SERHL2: variants seen among roughly 807,000 people sequenced by gnomAD.
SERHL2 encodes the protein serine hydrolase-like protein 2.
In SERHL2, 29 loss-of-function variants were observed where a neutral mutation model predicts 25.5. That is an observed-to-expected ratio of 1.14 (90% CI 0.85 to 1.55). The LOEUF (loss-of-function observed/expected upper bound fraction) is 1.55. SERHL2 is among the 40% of genes most tolerant of loss of function. SERHL2 has a pLI of 0.00. For missense variants in SERHL2, 240 were observed against 252.3 expected, an observed-to-expected ratio of 0.95 and a Z score of 0.33; for synonymous variants, 95 against 103.5, an observed-to-expected ratio of 0.92 and a Z score of 0.50.
Position 42,562,632 on chromosome 22 carries a change from GAGA to G in SERHL2, c.613+2370_613+2372del, listed in dbSNP as rs1285871455. The stretch of plus-strand genomic sequence containing the variant: ...ATAGGAAGGTCTGGGTGGGCCTCAT[GAGA>G]AGGTGACTTTTGAGCAAAGCAGTGA... On this transcript the variant is annotated intron_variant, in intron 8 of 11. Coordinates refer to ENST00000327678, the MANE Select transcript of SERHL2 (RefSeq NM_014509.5). 4.6e-5 allele frequency among the ~76,000 whole-genome samples: 7 copies of G among 151,858 alleles called. No individual in the cohort carries two copies. The South Asian group carries it at 6.2e-4, about 14-fold the overall frequency.
At chr22:42,566,568 A>G (rs1270957299) in intron 9 of SERHL2, among the ~76,000 whole-genome samples, 2 of 151,324 alleles carry the variant, frequency 1.3e-5, no homozygotes, top group East Asian at 1.9e-4. Flanking sequence ...GAAAAAAAAA[A>G]CAAAAGAAAT....
chr22:42,571,156 G>A lies in SERHL2; in HGVS notation c.684G>A (p.Leu228=), dbSNP rs1289337882. ...GCATTGACTTCATCAGCAGGGAGCT[G>A]TGTGCGCATTCCATCAGGAAGCTGC... ...ENSIDFISRE[L]CAHSIRKLQA... Residue 228 remains leucine, a synonymous_variant, in exon 10 of 12, where the codon CTG becomes CTA. Transcript: ENST00000327678. 5 of 1,613,400 alleles carry A rather than the reference G, an allele frequency of 3.1e-6. No individual in the cohort carries two copies. Among genetic ancestry groups the A allele is most frequent in the African/African-American group, 2.7e-5 (2 of 74,922 alleles).
intron 8 of SERHL2, 146 bp downstream of exon 8, chr22:42,560,411 A>AT: frequency 1.5e-6 from 1 of 653,422 alleles, no homozygotes; most frequent in Non-Finnish European, 2.8e-6. Flanking sequence ...CCCTCATCCC[A>AT]TTTAGAGCAG....
intron 9 of SERHL2, among the ~76,000 whole-genome samples, chr22:42,568,599 C>T (rs1194976644): frequency 6.6e-6 from 1 of 151,970 alleles, no homozygotes; most frequent in Non-Finnish European, 1.5e-5. Flanking sequence ...AGGACATAAA[C>T]TAAATTGCAG....
At chr22:42,564,005 G>A (rs904520613) in intron 8 of SERHL2, among the ~76,000 whole-genome samples, 1 of 151,856 alleles carries the variant, frequency 6.6e-6, no homozygotes, top group Non-Finnish European at 1.5e-5. Flanking sequence ...CCGGGAGGTG[G>A]AGGTTGCAGT....
chr22:42,569,083 A>G (rs542736971), intron 9 of SERHL2: 4 of 151,506 alleles, frequency 2.6e-5, no homozygotes, highest in African/African-American at 9.7e-5. Flanking sequence ...GGGTTTTGCC[A>G]TGTTGGGCAG....
intron 11 of SERHL2, chr22:42,573,720 C>T: frequency 1.6e-6 from 1 of 609,714 alleles, no homozygotes; most frequent in Non-Finnish European, 3.0e-6. Flanking sequence ...TGGCCTAGAC[C>T]CCTGGGAGGC....
At chr22:42,566,618 C>T (rs879284393) in intron 9 of SERHL2, among the ~76,000 whole-genome samples, 3 of 151,734 alleles carry the variant, frequency 2.0e-5, no homozygotes, top group South Asian at 2.1e-4. Flanking sequence ...TCAATTTAAC[C>T]GTTTGTAAGT....
intron 8 of SERHL2, among the ~76,000 whole-genome samples, chr22:42,563,870 T>A (rs973731338): frequency 6.6e-6 from 1 of 151,754 alleles, no homozygotes; most frequent in Admixed American, 6.6e-5. Context: ...TGTTGGGAGT[T>A]CGAGACCACC....
chr22:42,560,103 TC>T (rs1009852127), intron 7 of SERHL2, 82 bp from the exon 8 acceptor site: 144 of 1,003,080 alleles, frequency 1.4e-4, no homozygotes, highest in Middle Eastern at 2.9e-4. Flanking sequence ...TGAGCCACCG[TC>T]CCCCCCGGCC....
rs145163201 is a variant in SERHL2, at chr22:42,556,532, G to C, written c.367G>C (p.Glu123Gln). 1 of 1,611,470 alleles carries C rather than the reference G, an allele frequency of 6.2e-7. No homozygotes were observed. Among genetic ancestry groups the C allele is most frequent in the Non-Finnish European group, 8.5e-7 (1 of 1,178,372 alleles). ...VGGMFFCTFP[E>Q]MVDKLILLDT... ...CTCACAGTTTTTCTGTACCTTCCCC[G>C]AGATGGTGGATAAACTTATCTTGCT... is the stretch of plus-strand genomic sequence containing the variant. Residue 123 changes from glutamate (E) to glutamine (Q), a missense_variant, in exon 6 of 12, where the codon GAG (glutamate) becomes CAG (glutamine). Coordinates refer to ENST00000327678, the MANE Select transcript of SERHL2 (RefSeq NM_014509.5).
chr22:42,566,368 C>T, intron 9 of SERHL2, 30 bp downstream of exon 9: 1 of 1,608,210 alleles, frequency 6.2e-7, no homozygotes, highest in Non-Finnish European at 8.5e-7. Context: ...GGTCCCCCGC[C>T]AAGGTTTGCC....
chr22:42,563,190 CTTTTTTTTTTTTTTTGTT>C (rs1922906074), intron 8 of SERHL2, among the ~76,000 whole-genome samples: 1 of 97,984 alleles, frequency 1.0e-5, no homozygotes, highest in South Asian at 3.7e-4. Flanking sequence ...TTCTTTTTTT[CTTTTTTTTTTTTTTTGTT>C]GTTGTTGTTG....
intron 9 of SERHL2, among the ~76,000 whole-genome samples, chr22:42,567,439 T>A (rs1035486534): frequency 6.7e-6 from 1 of 148,922 alleles, no homozygotes; most frequent in East Asian, 2.0e-4. Context: ...CCGAGGCGGG[T>A]GGATCACAAG....
chr22:42,555,022 TCTGCCTGCACGG>T lies in SERHL2; in HGVS notation c.111_122del (p.Cys37_Gly40del). On this transcript the variant is annotated inframe_deletion, in exon 2 of 12. Coordinates refer to ENST00000327678, the MANE Select transcript of SERHL2 (RefSeq NM_014509.5). Reference sequence around the variant, plus strand: ...GGCTCCCTGCAGGGCCCTCCAGTTCTCTGCCTGCACGGCTGGCTGGACAATGCCAGCTCCTTC... The same window carrying T: ...GGCTCCCTGCAGGGCCCTCCAGTTCTCTGGCTGGACAATGCCAGCTCCTTC... 2 of 823,802 alleles carry T rather than the reference TCTGCCTGCACGG, an allele frequency of 2.4e-6. No individual in the cohort carries two copies. Among genetic ancestry groups the T allele is most frequent in the Non-Finnish European group, 4.0e-6 (2 of 497,842 alleles). The allele number at this position is 823,802 out of a possible 1,614,324, so 51.0% of individuals were successfully genotyped here.
At chr22:42,556,429 G>C (rs567818194) in intron 5 of SERHL2, 85 bp from the exon 6 acceptor site, 9 of 1,543,946 alleles carry the variant, frequency 5.8e-6, no homozygotes, top group Non-Finnish European at 6.1e-6. Flanking sequence ...AAGATGTTTC[G>C]GGGAACTCCA....
At chr22:42,564,738 T>C (rs1923115155) in intron 8 of SERHL2, among the ~76,000 whole-genome samples, 1 of 151,932 alleles carries the variant, frequency 6.6e-6, no homozygotes, top group Non-Finnish European at 1.5e-5. Flanking sequence ...GCCTGAGGAT[T>C]TTCGCATCTG....
At chr22:42,561,367 C>T (rs1174572156) in intron 8 of SERHL2, among the ~76,000 whole-genome samples, 2 of 151,586 alleles carry the variant, frequency 1.3e-5, no homozygotes, top group Non-Finnish European at 2.9e-5. Flanking sequence ...CTTGTTTGCT[C>T]AGGTGACAAA....
chr22:42,572,285 C>T (rs928789462), intron 10 of SERHL2, 151 bp from the exon 11 acceptor site: 1 of 560,108 alleles, frequency 1.8e-6, no homozygotes, highest in African/African-American at 1.9e-5. Context: ...AGCCTCAAAT[C>T]CAACCCAGGG....
Sources: allele counts gnomAD v4.1 joint callset (sites outside exome capture counted in the v4.1 genomes callset), GRCh38; gene constraint gnomAD v4.1.1; transcripts MANE v1.5; gene names NCBI Gene and HGNC (gene_info 2026-07-23, HGNC 2026-07-21).